LRP1B: variants seen among roughly 807,000 people sequenced by gnomAD.
LRP1B encodes the protein LDL receptor related protein 1B.
In LRP1B, 217 loss-of-function variants were observed where a neutral mutation model predicts 556.6. The observed-to-expected ratio is 0.39, with a 90% confidence interval of 0.35 to 0.44. The LOEUF (loss-of-function observed/expected upper bound fraction) is 0.44, where lower values mean the gene tolerates loss of function less well. Ranked by LOEUF, LRP1B falls within the 20% of genes least tolerant of loss-of-function variation. The pLI is 1.00. For missense variants in LRP1B, 5,053 were observed against 5,620.8 expected (o/e 0.90, Z 3.23); for synonymous variants, 2,047 against 1,865.8 (o/e 1.10, Z -2.50).
chr2:140,839,652 C>A (rs568135893), intron 31 of LRP1B, among the ~76,000 whole-genome samples: 1 of 152,318 alleles, frequency 6.6e-6, no homozygotes, highest in Non-Finnish European at 1.5e-5. Flanking sequence ...ACTGCGCTGT[C>A]GGCTTTCCTA....
At chr2:141,139,670 C>T (rs1701582599) in intron 7 of LRP1B, among the ~76,000 whole-genome samples, 1 of 151,498 alleles carries the variant, frequency 6.6e-6, no homozygotes, top group Non-Finnish European at 1.5e-5. Flanking sequence ...ATTAGAATAG[C>T]TAGAATTTAA....
intron 23 of LRP1B, among the ~76,000 whole-genome samples, chr2:140,897,946 C>T (rs556923548): frequency 3.3e-5 from 5 of 152,250 alleles, no homozygotes; most frequent in African/African-American, 1.2e-4. Context: ...TAATAAACCC[C>T]ACTTCATGTA....
At chr2:140,342,832 A>G in intron 77 of LRP1B, among the ~76,000 whole-genome samples, 1 of 151,676 alleles carries the variant, frequency 6.6e-6, no homozygotes, top group East Asian at 1.9e-4. Context: ...TAAAAGTAAA[A>G]GTATTAAAAG....
At chr2:142,069,340 T>C (rs1474259947) in intron 1 of LRP1B, among the ~76,000 whole-genome samples, 1 of 151,594 alleles carries the variant, frequency 6.6e-6, no homozygotes, top group Non-Finnish European at 1.5e-5. Flanking sequence ...AACTAGGATC[T>C]TCATAAATAA....
intron 59 of LRP1B, among the ~76,000 whole-genome samples, chr2:140,484,148 T>C (rs1372850347): frequency 1.3e-5 from 2 of 152,016 alleles, no homozygotes; most frequent in East Asian, 3.9e-4. Flanking sequence ...AATAAAATAC[T>C]CAAAAAGATA....
intron 1 of LRP1B, among the ~76,000 whole-genome samples, chr2:141,836,188 C>G (rs144209525): frequency 1.1e-3 from 174 of 151,956 alleles, no homozygotes; most frequent in African/African-American, 3.5e-3. Flanking sequence ...AACTTCAATT[C>G]AAATATTTGT....
intron 3 of LRP1B, among the ~76,000 whole-genome samples, chr2:141,460,353 G>A (rs1375625004): frequency 1.3e-5 from 2 of 152,082 alleles, no homozygotes; most frequent in African/African-American, 4.8e-5. Context: ...TAAGGTAGAA[G>A]TATCCCTGAT....
intron 1 of LRP1B, among the ~76,000 whole-genome samples, chr2:141,986,785 ATG>A: frequency 6.6e-6 from 1 of 152,088 alleles, no homozygotes; most frequent in Admixed American, 6.6e-5. Context: ...ATTCTCCTGA[ATG>A]ATCACATTGG....
chr2:141,968,549 A>G (rs1258491734), intron 1 of LRP1B, among the ~76,000 whole-genome samples: 1 of 151,760 alleles, frequency 6.6e-6, no homozygotes, highest in East Asian at 1.9e-4. Context: ...TGACTGCTGT[A>G]CATGACTCAT....
intron 2 of LRP1B, among the ~76,000 whole-genome samples, chr2:141,804,123 T>C (rs574488000): frequency 6.6e-6 from 1 of 152,240 alleles, no homozygotes; most frequent in South Asian, 2.1e-4. Context: ...TGGCCTTCCA[T>C]AATTTTCAAA....
chr2:141,256,800 G>A (rs764695005), intron 3 of LRP1B, among the ~76,000 whole-genome samples: 2 of 151,948 alleles, frequency 1.3e-5, no homozygotes, highest in Non-Finnish European at 2.9e-5. Context: ...GAGAATTTGG[G>A]TCTATCTTTG....
chr2:141,976,185 A>G (rs1190375663), intron 1 of LRP1B, among the ~76,000 whole-genome samples: 1 of 152,088 alleles, frequency 6.6e-6, no homozygotes, highest in East Asian at 1.9e-4. Flanking sequence ...ATAAGTGAAA[A>G]AGGTGGAACA....
At chr2:140,741,876 C>G (rs1204991662) in intron 35 of LRP1B, among the ~76,000 whole-genome samples, 2 of 152,044 alleles carry the variant, frequency 1.3e-5, no homozygotes, top group Non-Finnish European at 2.9e-5. Context: ...TTTTCTGTTT[C>G]TGCATTAATT....
At chr2:141,314,413 G>A (rs1319221583) in intron 3 of LRP1B, among the ~76,000 whole-genome samples, 1 of 152,044 alleles carries the variant, frequency 6.6e-6, no homozygotes, top group Non-Finnish European at 1.5e-5. Flanking sequence ...ATATTTTTGA[G>A]TCTCCTAGGG....
At chr2:141,135,698 A>C (rs1701474895) in intron 7 of LRP1B, among the ~76,000 whole-genome samples, 2 of 151,950 alleles carry the variant, frequency 1.3e-5, no homozygotes, top group South Asian at 4.1e-4. Context: ...TTGATCACCA[A>C]GTCTCAATAA....
chr2:142,001,565 A>T (rs1170237177), intron 1 of LRP1B, among the ~76,000 whole-genome samples: 1 of 152,206 alleles, frequency 6.6e-6, no homozygotes, highest in Non-Finnish European at 1.5e-5. Context: ...CCTGCCACGC[A>T]CATTAATGGA....
At chr2:142,101,777 T>A (rs1214941089) in intron 1 of LRP1B, among the ~76,000 whole-genome samples, 1 of 152,006 alleles carries the variant, frequency 6.6e-6, no homozygotes, top group Non-Finnish European at 1.5e-5. Flanking sequence ...TGATTATTTT[T>A]AAAAATTAGG....
chr2:140,788,507 C>A (rs10176988), intron 32 of LRP1B, among the ~76,000 whole-genome samples: 64,644 of 151,958 alleles, frequency 0.43, 14,052 homozygotes, highest in African/African-American at 0.51. Context: ...AGTCTCATGG[C>A]CATCCTTGTA....
At chr2:141,686,247 C>T (rs1447034268) in intron 2 of LRP1B, among the ~76,000 whole-genome samples, 3 of 151,922 alleles carry the variant, frequency 2.0e-5, no homozygotes, top group African/African-American at 7.2e-5. Flanking sequence ...CTCATTATAA[C>T]TTACTTTCAT....
Sources: allele counts gnomAD v4.1 joint callset (sites outside exome capture counted in the v4.1 genomes callset), GRCh38; gene constraint gnomAD v4.1.1; transcripts MANE v1.5; gene names NCBI Gene and HGNC (gene_info 2026-07-23, HGNC 2026-07-21).